Variants in PTPRM observed in about 807,000 individuals in gnomAD.
PTPRM encodes protein tyrosine phosphatase receptor type M.
PTPRM carries 47 observed loss-of-function variants against 186.7 expected under a neutral mutation model. That is an observed-to-expected ratio of 0.25 (90% CI 0.20 to 0.32). The LOEUF is 0.32. Among genes scored for constraint, PTPRM ranks in the 10% least tolerant of loss-of-function variants. The pLI, the probability that PTPRM is intolerant of heterozygous loss-of-function variation, is 1.00. For synonymous variants in PTPRM, 668 were observed against 674.9 expected, an observed-to-expected ratio of 0.99 and a Z score of 0.16; for missense variants, 1,494 against 1,865.0, an observed-to-expected ratio of 0.80 and a Z score of 3.66.
intron 3 of PTPRM, among the ~76,000 whole-genome samples, chr18:7,902,400 A>G (rs928862335): frequency 7.9e-5 from 12 of 152,232 alleles, no homozygotes; most frequent in African/African-American, 2.6e-4. Flanking sequence ...GTCCACAGGG[A>G]TGAAGGCAGA....
At chr18:8,396,870 C>T (rs937311803) in intron 32 of PTPRM, among the ~76,000 whole-genome samples, 2 of 152,204 alleles carry the variant, frequency 1.3e-5, no homozygotes, top group Non-Finnish European at 1.5e-5. Flanking sequence ...GCTTCCAGAA[C>T]TGAATAGGAC....
In PTPRM at chr18:7,883,006, G is replaced by A. The variant is rs147335171; in HGVS notation, c.197-5100G>A. Among the ~76,000 whole-genome samples, 505 of 152,232 alleles carry A rather than the reference G, an allele frequency of 3.3e-3. 3 individuals carry two copies. Among genetic ancestry groups the A allele is most frequent in the African/African-American group, 0.012 (480 of 41,540 alleles). On this transcript the variant is annotated intron_variant, in intron 2 of 32. Coordinates refer to ENST00000580170, the MANE Select transcript of PTPRM (RefSeq NM_001105244.2). Reference sequence around the variant, plus strand: ...TTATCAAAGAGTTTTCCTTTTTGGGGAAACCAAAATAATTATTCTTAAGAA... The same window carrying A: ...TTATCAAAGAGTTTTCCTTTTTGGGAAAACCAAAATAATTATTCTTAAGAA...
At chr18:8,031,075 T>C (rs1480505461) in intron 7 of PTPRM, among the ~76,000 whole-genome samples, 1 of 152,252 alleles carries the variant, frequency 6.6e-6, no homozygotes, top group East Asian at 1.9e-4. Context: ...ATTTGATCTT[T>C]GAGAAATTTA....
chr18:8,375,617 C>T (rs1269099176), intron 24 of PTPRM, among the ~76,000 whole-genome samples: 6 of 152,320 alleles, frequency 3.9e-5, no homozygotes, highest in East Asian at 3.9e-4. Context: ...AGCCCCAACA[C>T]GGAGTTGGTA....
At chr18:7,766,666 G>T (rs2042030102) in intron 1 of PTPRM, among the ~76,000 whole-genome samples, 1 of 152,192 alleles carries the variant, frequency 6.6e-6, no homozygotes, top group Non-Finnish European at 1.5e-5. Context: ...ACCCTGCGTT[G>T]TGCCCTGAGG....
intron 14 of PTPRM, among the ~76,000 whole-genome samples, chr18:8,241,745 G>A (rs1432193372): frequency 6.6e-6 from 1 of 152,162 alleles, no homozygotes; most frequent in African/African-American, 2.4e-5. Flanking sequence ...TCTGCTGAAA[G>A]TAAAAAGGTG....
Position 7,568,027 on chromosome 18 carries a change from C to T in PTPRM, c.73+136C>T. 1.2e-6 allele frequency: 1 copy of T among 807,226 alleles called. No homozygotes were observed. The highest frequency in any genetic ancestry group is 1.7e-6 in the Non-Finnish European group (1 of 586,388). 50.0% of individuals were successfully genotyped at this position (807,226 alleles called of 1,614,324 possible). On this transcript the variant is annotated intron_variant, in intron 1 of 32. Coordinates refer to ENST00000580170, the MANE Select transcript of PTPRM (RefSeq NM_001105244.2). This position sits in a 1 kb window ranked among gnomAD's most constrained non-coding sequence, Gnocchi z 5.1. Reference sequence around the variant, plus strand: ...GGGGGGCGCGGCGGGCCGGACACCGCTTCTGCCTGTGAGCCGGGCGCTGGG... The same window carrying T: ...GGGGGGCGCGGCGGGCCGGACACCGTTTCTGCCTGTGAGCCGGGCGCTGGG...
chr18:8,125,879 A>G (rs2092320919), intron 13 of PTPRM, among the ~76,000 whole-genome samples: 1 of 150,464 alleles, frequency 6.6e-6, no homozygotes, highest in Non-Finnish European at 1.5e-5. Flanking sequence ...TATTTTTCAC[A>G]TATATCTAGG....
In PTPRM at chr18:7,829,739, T is replaced by C. The variant is rs150187229; in HGVS notation, c.196+55468T>C. On this transcript the variant is annotated intron_variant, in intron 2 of 32. Coordinates refer to ENST00000580170, the MANE Select transcript of PTPRM (RefSeq NM_001105244.2). ...TTTCATGTGGTACTTCCAAAACATT[T>C]CTATTTTAGCAGAAATGAGATTGCT... Among the ~76,000 whole-genome samples the C allele has an allele frequency of 1.2e-4, 18 of 152,314 alleles. No homozygotes were observed. The East Asian group carries it at 3.1e-3, about 26-fold the overall frequency.
chr18:7,803,054 C>G (rs933851413), intron 2 of PTPRM, among the ~76,000 whole-genome samples: 1 of 152,026 alleles, frequency 6.6e-6, no homozygotes, highest in Non-Finnish European at 1.5e-5. Context: ...AATCTGAGAC[C>G]ACCAGAACTG....
intron 2 of PTPRM, among the ~76,000 whole-genome samples, chr18:7,822,806 G>T (rs1352469510): frequency 6.6e-6 from 1 of 152,078 alleles, no homozygotes; most frequent in African/African-American, 2.4e-5. Flanking sequence ...GGCTTCCCTG[G>T]TGTCACACAC....
intron 3 of PTPRM, among the ~76,000 whole-genome samples, chr18:7,895,218 G>A (rs1032951171): frequency 6.6e-6 from 1 of 152,064 alleles, no homozygotes; most frequent in African/African-American, 2.4e-5. Flanking sequence ...GTAATTAGGG[G>A]TTGGAGATGA....
At chr18:8,357,488 T>G (rs1568820376) in intron 23 of PTPRM, among the ~76,000 whole-genome samples, 1 of 152,206 alleles carries the variant, frequency 6.6e-6, no homozygotes, top group South Asian at 2.1e-4. Flanking sequence ...TGTCTTTACC[T>G]AGTGATCAGC....
intron 1 of PTPRM, among the ~76,000 whole-genome samples, chr18:7,647,199 G>T (rs2038586519): frequency 6.6e-6 from 1 of 152,110 alleles, no homozygotes; most frequent in Non-Finnish European, 1.5e-5. Context: ...AAAGCAGCCA[G>T]GCAAAACTCT....
At chr18:8,125,501 G>C (rs1252802916) in intron 13 of PTPRM, among the ~76,000 whole-genome samples, 2 of 152,008 alleles carry the variant, frequency 1.3e-5, no homozygotes, top group African/African-American at 2.4e-5. Context: ...GATATACCCT[G>C]ATTTTTGTAT....
intron 14 of PTPRM, among the ~76,000 whole-genome samples, chr18:8,170,579 T>C (rs976583294): frequency 6.6e-6 from 1 of 151,322 alleles, no homozygotes; most frequent in Non-Finnish European, 1.5e-5. Context: ...TTAAAAGAAA[T>C]ATACAAAGAT....
At chr18:7,602,428 A>ATTT in intron 1 of PTPRM, among the ~76,000 whole-genome samples, 1 of 142,604 alleles carries the variant, frequency 7.0e-6, no homozygotes, top group Non-Finnish European at 1.5e-5. Context: ...GATTGTGGCA[A>ATTT]TTTTTTTTTT....
At chr18:7,795,810 CTTTTTTTTT>C (rs397741769) in intron 2 of PTPRM, among the ~76,000 whole-genome samples, 1 of 117,768 alleles carries the variant, frequency 8.5e-6, no homozygotes, top group African/African-American at 3.2e-5. Flanking sequence ...TTCTTTCTTT[CTTTTTTTTT>C]TTTTTTTTTT....
At chr18:7,834,491 TACAC>T (rs36162599) in intron 2 of PTPRM, among the ~76,000 whole-genome samples, 22 of 84,604 alleles carry the variant, frequency 2.6e-4, no homozygotes, top group Admixed American at 1.2e-3. Flanking sequence ...TATACAAGTA[TACAC>T]ACACACACAC....
Sources: gnomAD v4.1 joint callset for allele counts (sites outside exome capture counted in the v4.1 genomes callset) on GRCh38, gnomAD v4.1.1 for gene constraint, Gnocchi (gnomAD v3.1) non-coding constraint, MANE v1.5 for transcripts, NCBI Gene and HGNC (gene_info 2026-07-23, HGNC 2026-07-21) for gene names.